The following TUT4 variants were observed in gnomAD, a reference collection of about 807,000 sequenced individuals.
TUT4 encodes terminal uridylyltransferase 4.
In TUT4, 36 loss-of-function variants were observed where a neutral mutation model predicts 192.2. The observed-to-expected ratio is 0.19, with a 90% CI of 0.14 to 0.25. The LOEUF is 0.25. Ranked by LOEUF, TUT4 falls within the 10% of genes least tolerant of loss-of-function variation. The probability of loss-of-function intolerance (pLI) is 1.00; values close to 1 mark genes in which losing one functional copy is unlikely to be tolerated. For synonymous variants in TUT4, 618 were observed against 666.0 expected (o/e 0.93, Z 1.11); for missense variants, 1,493 against 1,957.2 (o/e 0.76, Z 4.47).
chr1:52,520,862 A>G (rs896032497), intron 2 of TUT4, among the ~76,000 whole-genome samples: 2 of 151,974 alleles, frequency 1.3e-5, no homozygotes, highest in African/African-American at 4.8e-5. Flanking sequence ...ACGCGATCTC[A>G]GCTCACTGCA....
At chr1:52,428,558 G>A (rs573023795) in intron 28 of TUT4, among the ~76,000 whole-genome samples, 33 of 151,356 alleles carry the variant, frequency 2.2e-4, no homozygotes, top group African/African-American at 6.1e-4. Context: ...CCCAGGAAGC[G>A]GAGGTTGCAG....
chr1:52,428,409 T>C (rs1374391006), intron 28 of TUT4, among the ~76,000 whole-genome samples: 2 of 151,898 alleles, frequency 1.3e-5, no homozygotes, highest in Non-Finnish European at 2.9e-5. Context: ...GGCGGATAAT[T>C]TGAGGTCAGA....
chr1:52,461,883 T>C (rs1369881114), intron 16 of TUT4, 114 bp from the exon 17 acceptor site: 1 of 638,364 alleles, frequency 1.6e-6, no homozygotes, highest in Non-Finnish European at 2.6e-6. Context: ...AGCTCTATAA[T>C]AACCTTGCTA....
At chr1:52,527,269 C>T (rs1232535216) in intron 1 of TUT4, among the ~76,000 whole-genome samples, 4 of 152,006 alleles carry the variant, frequency 2.6e-5, no homozygotes, top group Non-Finnish European at 2.9e-5. Flanking sequence ...CAACAGGGGC[C>T]GGGTGCAATG....
chr1:52,485,562 T>C (rs1229159817), intron 9 of TUT4, among the ~76,000 whole-genome samples: 1 of 152,162 alleles, frequency 6.6e-6, no homozygotes, highest in Non-Finnish European at 1.5e-5. Context: ...ATGTTTCTTA[T>C]TGTTTTGCCT....
At chr1:52,464,979 C>T (rs958150437) in intron 16 of TUT4, 91 bp downstream of exon 16, 6 of 962,078 alleles carry the variant, frequency 6.2e-6, no homozygotes, top group African/African-American at 1.7e-5. Context: ...AAGAGTGATA[C>T]CACATTTTTA....
At chr1:52,531,117 G>A (rs1683273838) in intron 1 of TUT4, among the ~76,000 whole-genome samples, 1 of 152,016 alleles carries the variant, frequency 6.6e-6, no homozygotes, top group South Asian at 2.1e-4. Flanking sequence ...AATATTATCA[G>A]AACTAACCTC....
At chr1:52,504,407 G>A (rs1216862553) in intron 4 of TUT4, among the ~76,000 whole-genome samples, 2 of 152,076 alleles carry the variant, frequency 1.3e-5, no homozygotes, top group African/African-American at 4.8e-5. Flanking sequence ...TGACGCGGGT[G>A]GATCAGGAGG....
At chr1:52,552,154 A>G (rs1443315976) in intron 1 of TUT4, among the ~76,000 whole-genome samples, 1 of 152,264 alleles carries the variant, frequency 6.6e-6, no homozygotes, top group African/African-American at 2.4e-5. Flanking sequence ...TGTTAATACA[A>G]CAGTAATTCA....
rs370146391 is a variant in TUT4, at chr1:52,496,959, G to A, written c.1177+47C>T. 14 of 1,563,216 alleles carry A rather than the reference G, an allele frequency of 9.0e-6. No individual in the cohort carries two copies. The South Asian group carries it at 9.3e-5, about 10-fold the overall frequency. ...TGTACTCTAGTTCAAGAGGAGCAAGGGAAGAGTTTTGTGATTTTCAAAATC... is the reference window on the plus strand; with the variant it reads ...TGTACTCTAGTTCAAGAGGAGCAAGAGAAGAGTTTTGTGATTTTCAAAATC... On this transcript the variant is annotated intron_variant, in intron 5 of 29. Coordinates refer to ENST00000257177, the MANE Select transcript of TUT4 (RefSeq NM_001009881.3).
chr1:52,549,968 G>A (rs2149788982), intron 1 of TUT4, among the ~76,000 whole-genome samples: 1 of 152,164 alleles, frequency 6.6e-6, no homozygotes, highest in South Asian at 2.1e-4. Context: ...CTCACTTAAG[G>A]GGGAAAAATC....
At chr1:52,519,364 A>G (rs1053708980) in intron 2 of TUT4, among the ~76,000 whole-genome samples, 2 of 152,124 alleles carry the variant, frequency 1.3e-5, no homozygotes, top group African/African-American at 2.4e-5. Context: ...GGGGAGGAGG[A>G]GCGGGTAATG....
At chr1:52,503,173 G>A (rs373977379) in intron 4 of TUT4, among the ~76,000 whole-genome samples, 1 of 152,022 alleles carries the variant, frequency 6.6e-6, no homozygotes, top group Admixed American at 6.5e-5. Context: ...ACTCCAACCC[G>A]TATGCTCTTT....
chr1:52,551,686 G>A (rs1314627836), intron 1 of TUT4, among the ~76,000 whole-genome samples: 2 of 151,788 alleles, frequency 1.3e-5, no homozygotes, highest in African/African-American at 4.8e-5. Flanking sequence ...GCTCGCGCGC[G>A]CACACACACA....
At chr1:52,533,590 T>C (rs1217820727) in intron 1 of TUT4, among the ~76,000 whole-genome samples, 2 of 152,174 alleles carry the variant, frequency 1.3e-5, no homozygotes, top group Admixed American at 6.5e-5. Context: ...CCTTACGCTC[T>C]CTCATGCTGA....
intron 1 of TUT4, among the ~76,000 whole-genome samples, chr1:52,548,509 G>C (rs1468262253): frequency 6.6e-6 from 1 of 152,106 alleles, no homozygotes; most frequent in Non-Finnish European, 1.5e-5. Context: ...CAGACACTTT[G>C]AGTTCAAATC....
rs752649677 is a variant in TUT4 at position 52,431,067 on chromosome 1, G to A, written c.4657C>T (p.Pro1553Ser). 1.2e-6 allele frequency: 2 copies of A among 1,613,274 alleles called. No individual in the cohort carries two copies. Among genetic ancestry groups the A allele is most frequent in the Admixed American group, 1.7e-5 (1 of 59,984 alleles). The change falls in exon 28 of 30, where the codon CCC (proline) becomes TCC (serine). Residue 1553 changes from proline to serine, a missense_variant. This residue lies in a region of TUT4 where 351 missense variants were observed against 397.8 expected (regional missense o/e 0.88). Coordinates refer to ENST00000257177, the MANE Select transcript of TUT4 (RefSeq NM_001009881.3). ...AGGGAATTTGGAGCCACAGTACGGG[G>A]CCAGTGTCCATCGTGAGACGTGTTA... ...IPNTSHDGHW[P>S]RTVAPNSLVN...
chr1:52,435,482 C>T lies in TUT4; in HGVS notation c.4163-17G>A. 6.3e-7 allele frequency: 1 copy of T among 1,591,790 alleles called. No individual in the cohort carries two copies. Among genetic ancestry groups the T allele is most frequent in the Non-Finnish European group, 8.6e-7 (1 of 1,160,194 alleles). On this transcript the variant is annotated splice_polypyrimidine_tract_variant and intron_variant, in intron 26 of 29. Coordinates refer to ENST00000257177, the MANE Select transcript of TUT4 (RefSeq NM_001009881.3). ...GCTGGGCTGCTAAGAGAAGGCATCACAAAGAAAATCAACAGATAAGGAAAG... is the reference window on the plus strand; with the variant it reads ...GCTGGGCTGCTAAGAGAAGGCATCATAAAGAAAATCAACAGATAAGGAAAG...
intron 20 of TUT4, among the ~76,000 whole-genome samples, chr1:52,454,559 C>A (rs1027407035): frequency 2.0e-4 from 31 of 152,182 alleles, no homozygotes; most frequent in Non-Finnish European, 1.6e-4. Context: ...GACCTTATAC[C>A]GTTCACAAAA....
Sources: gnomAD v4.1 joint callset for allele counts (sites outside exome capture counted in the v4.1 genomes callset) on GRCh38, gnomAD v4.1.1 for gene constraint, gnomAD v4.1.1 regional missense constraint, MANE v1.5 for transcripts, NCBI Gene and HGNC (gene_info 2026-07-23, HGNC 2026-07-21) for gene names.